MTFR1: variants seen among roughly 807,000 people sequenced by gnomAD.
MTFR1 encodes chondrocyte protein with a poly-proline region.
MTFR1 carries 28 observed loss-of-function variants against 38.8 expected under a neutral mutation model. That is an observed-to-expected ratio of 0.72 (90% CI 0.53 to 0.99). MTFR1 has a LOEUF of 0.99. Among genes scored for constraint, MTFR1 ranks in the 50% least tolerant of loss-of-function variants. The pLI, the probability that MTFR1 is intolerant of heterozygous loss-of-function variation, is 0.00. For synonymous variants in MTFR1, 145 were observed against 137.0 expected (o/e 1.06, Z -0.41); for missense variants, 358 against 395.5 (o/e 0.91, Z 0.81).
downstream of MTFR1, among the ~76,000 whole-genome samples, chr8:65,774,330 T>G (rs1212626958): frequency 7.3e-6 from 1 of 137,764 alleles, no homozygotes; most frequent in Admixed American, 7.0e-5. Context: ...TTATAAAAAG[T>G]TATATTTGCT....
intron 3 of MTFR1, among the ~76,000 whole-genome samples, chr8:65,757,233 A>G (rs1432286263): frequency 6.6e-6 from 1 of 152,208 alleles, no homozygotes; most frequent in African/African-American, 2.4e-5. Flanking sequence ...AAGGTCAGAG[A>G]AATTGTTTTT....
intron 3 of MTFR1, among the ~76,000 whole-genome samples, chr8:65,744,000 T>G (rs1249626595): frequency 6.6e-6 from 1 of 152,148 alleles, no homozygotes; most frequent in African/African-American, 2.4e-5. Flanking sequence ...ACCCAGCCAA[T>G]GTTTGTATTT....
At chr8:65,766,245 C>A (rs566468951) in intron 3 of MTFR1, among the ~76,000 whole-genome samples, 4 of 152,094 alleles carry the variant, frequency 2.6e-5, no homozygotes, top group Non-Finnish European at 5.9e-5. Context: ...CATGCCCAGC[C>A]GAGATGAATT....
At chr8:65,663,132 G>T (rs566960126) in intron 1 of MTFR1, among the ~76,000 whole-genome samples, 1 of 152,206 alleles carries the variant, frequency 6.6e-6, no homozygotes, top group Non-Finnish European at 1.5e-5. Context: ...GATGGTTGCC[G>T]TGTCTGTGTA....
intron 5 of MTFR1, among the ~76,000 whole-genome samples, chr8:65,705,655 G>T (rs1805761810): frequency 6.6e-6 from 1 of 152,208 alleles, no homozygotes. Flanking sequence ...TTTACTACCT[G>T]CATGTCTTGA....
intron 3 of MTFR1, among the ~76,000 whole-genome samples, chr8:65,755,600 A>G (rs561122037): frequency 1.3e-5 from 2 of 152,368 alleles, no homozygotes; most frequent in South Asian, 2.1e-4. Context: ...TACCACAGAC[A>G]TAATTATTGT....
intron 3 of MTFR1, among the ~76,000 whole-genome samples, chr8:65,691,676 G>A (rs560544371): frequency 1.3e-5 from 2 of 152,056 alleles, no homozygotes; most frequent in African/African-American, 4.8e-5. Flanking sequence ...TTGTGACCGA[G>A]TCTTGCTCTG....
chr8:65,748,839 G>A (rs13280521), intron 3 of MTFR1, among the ~76,000 whole-genome samples: 57,237 of 152,106 alleles, frequency 0.38, 14,033 homozygotes, highest in Non-Finnish European at 0.56. Context: ...CACAGCAGGT[G>A]TTAAATAGTA....
chr8:65,666,458 A>G (rs527286070), intron 1 of MTFR1, among the ~76,000 whole-genome samples: 193 of 152,042 alleles, frequency 1.3e-3, no homozygotes, highest in African/African-American at 4.5e-3. Context: ...TTTTCAAACT[A>G]CTCCCTTTTT....
At position 65,709,735 on chromosome 8, in the gene MTFR1, G is replaced by A. The variant is rs1352635513; in HGVS notation, c.*691G>A. 6.6e-6 allele frequency: 1 copy of A among 152,630 alleles called. No homozygotes were observed. The highest frequency in any genetic ancestry group is 2.4e-5 in the African/African-American group (1 of 41,456). The allele number at this position is 152,630 out of a possible 1,614,324, so 9.5% of individuals were successfully genotyped here. On this transcript the variant is annotated 3_prime_UTR_variant, in exon 8 of 8. Coordinates refer to ENST00000262146, the MANE Select transcript of MTFR1 (RefSeq NM_014637.4). ...TTTCACGTCATTGCCATCCAGTACT[G>A]ACAGGGAAGAAAGATGTAGTTTTCC...
At chr8:65,763,776 T>C (rs1391049947) in intron 3 of MTFR1, among the ~76,000 whole-genome samples, 1 of 152,232 alleles carries the variant, frequency 6.6e-6, no homozygotes, top group Non-Finnish European at 1.5e-5. Context: ...CTTAATGCAG[T>C]TCCTTCAAAA....
chr8:65,668,271 G>T (rs553996712), intron 1 of MTFR1, among the ~76,000 whole-genome samples: 1 of 147,252 alleles, frequency 6.8e-6, no homozygotes, highest in East Asian at 2.1e-4. Context: ...CCCACCTCCC[G>T]GGATCAAGTG....
chr8:65,772,584 C>T (rs759238040), downstream of MTFR1, among the ~76,000 whole-genome samples: 27 of 152,202 alleles, frequency 1.8e-4, no homozygotes, highest in Non-Finnish European at 3.4e-4. Context: ...TCAACTAGTG[C>T]AAGGGAGAAA....
downstream of MTFR1, among the ~76,000 whole-genome samples, chr8:65,771,848 C>T (rs1235134352): frequency 1.5e-5 from 2 of 132,876 alleles, no homozygotes; most frequent in African/African-American, 6.0e-5. Context: ...GCACTCCAGC[C>T]TGGGCAACAG....
chr8:65,713,401 G>A (rs117317912), downstream of MTFR1, among the ~76,000 whole-genome samples: 6,304 of 147,748 alleles, frequency 0.043, 194 homozygotes, highest in Non-Finnish European at 0.063. Flanking sequence ...AGATCACACC[G>A]CTCCACTCTA....
intron 3 of MTFR1, among the ~76,000 whole-genome samples, chr8:65,752,751 T>C (rs1205461602): frequency 6.6e-6 from 1 of 152,228 alleles, no homozygotes; most frequent in Non-Finnish European, 1.5e-5. Flanking sequence ...TCCACTATTT[T>C]AGCTTTTTAA....
At chr8:65,644,357 G>A (rs1808889843), upstream of MTFR1, among the ~76,000 whole-genome samples, 1 of 152,194 alleles carries the variant, frequency 6.6e-6, no homozygotes, top group African/African-American at 2.4e-5. Flanking sequence ...CCTACAGCGT[G>A]GGGTGAAATG....
At chr8:65,726,354 GT>G (rs1260531436) in intron 3 of MTFR1, among the ~76,000 whole-genome samples, 3 of 151,986 alleles carry the variant, frequency 2.0e-5, no homozygotes, top group African/African-American at 7.3e-5. Flanking sequence ...AAATATTAGG[GT>G]TTTTTCCATT....
chr8:65,729,416 A>G (rs886923343), intron 3 of MTFR1, among the ~76,000 whole-genome samples: 2 of 141,522 alleles, frequency 1.4e-5, no homozygotes, highest in African/African-American at 5.1e-5. Flanking sequence ...AAAATATAGT[A>G]GAAATAGCAG....
Sources: gnomAD v4.1 joint callset for allele counts (sites outside exome capture counted in the v4.1 genomes callset) on GRCh38, gnomAD v4.1.1 for gene constraint, MANE v1.5 for transcripts, NCBI Gene and HGNC (gene_info 2026-07-23, HGNC 2026-07-21) for gene names.